The following DRC8 variants were observed in gnomAD, a reference collection of about 807,000 sequenced individuals.
DRC8 encodes dynein regulatory complex protein 8.
At chr1:245,007,574 G>T in the DRC8 span, among the ~76,000 whole-genome samples, 1 of 152,154 alleles carries the variant, frequency 6.6e-6, no homozygotes, top group African/African-American at 2.4e-5. Context: ...ATGGAAAGAG[G>T]AATCAAAAAA....
chr1:245,017,139 C>T, the DRC8 span: 1 of 1,054,642 alleles, frequency 9.5e-7, no homozygotes, highest in South Asian at 1.8e-5. Flanking sequence ...GGAGAGGGTT[C>T]TTCATATGCT....
chr1:245,093,989 T>G, the DRC8 span, among the ~76,000 whole-genome samples: 1 of 152,144 alleles, frequency 6.6e-6, no homozygotes, highest in South Asian at 2.2e-4. Context: ...ATTGCATGAC[T>G]TTAAATACAG....
chr1:245,118,149 A>C, the DRC8 span, among the ~76,000 whole-genome samples: 1 of 152,180 alleles, frequency 6.6e-6, no homozygotes, highest in Admixed American at 6.6e-5. Context: ...GAGAACTGAA[A>C]GACCCTAGTG....
chr1:245,091,748 T>C, the DRC8 span: 3 of 152,216 alleles, frequency 2.0e-5, no homozygotes, highest in Non-Finnish European at 4.4e-5. Flanking sequence ...GAAATCTCAT[T>C]TTATCTCCTA....
At chr1:245,107,982 C>G in the DRC8 span, among the ~76,000 whole-genome samples, 4 of 152,154 alleles carry the variant, frequency 2.6e-5, no homozygotes, top group Non-Finnish European at 5.9e-5. Flanking sequence ...CTCCTCACTG[C>G]CCTTCCTCCA....
chr1:245,010,428 G>A, the DRC8 span, among the ~76,000 whole-genome samples: 1 of 152,154 alleles, frequency 6.6e-6, no homozygotes, highest in African/African-American at 2.4e-5. Context: ...AAGACCACAT[G>A]ATATGTCACA....
At chr1:245,023,631 G>A in the DRC8 span, among the ~76,000 whole-genome samples, 1 of 152,216 alleles carries the variant, frequency 6.6e-6, no homozygotes, top group East Asian at 1.9e-4. Flanking sequence ...TCTCACTGGG[G>A]CTTTGATTTG....
At chr1:244,979,211 A>AT in the DRC8 span, among the ~76,000 whole-genome samples, 2 of 151,090 alleles carry the variant, frequency 1.3e-5, no homozygotes, top group Non-Finnish European at 2.9e-5. Flanking sequence ...TCATGCATAT[A>AT]CCCAGAGCAT....
the DRC8 span, among the ~76,000 whole-genome samples, chr1:245,112,623 A>G: frequency 3.3e-3 from 503 of 152,324 alleles, 2 homozygotes; most frequent in South Asian, 0.014. Flanking sequence ...ACTTCCATGC[A>G]TATAGTCCAG....
the DRC8 span, among the ~76,000 whole-genome samples, chr1:245,058,695 T>C: frequency 6.6e-6 from 1 of 152,196 alleles, no homozygotes; most frequent in Non-Finnish European, 1.5e-5. Flanking sequence ...TGAATAGCAT[T>C]TATACTTTTC....
the DRC8 span, among the ~76,000 whole-genome samples, chr1:245,079,724 GA>G: frequency 0.015 from 2,355 of 152,170 alleles, 49 homozygotes; most frequent in African/African-American, 0.054. Flanking sequence ...GGGAGGAAAG[GA>G]AAAAAACCAT....
the DRC8 span, among the ~76,000 whole-genome samples, chr1:245,117,143 C>T: frequency 6.6e-6 from 1 of 152,168 alleles, no homozygotes; most frequent in African/African-American, 2.4e-5. Flanking sequence ...ACCTCTGCTT[C>T]CCGGGTTCCA....
the DRC8 span, among the ~76,000 whole-genome samples, chr1:244,976,056 G>A: frequency 3.3e-5 from 5 of 151,780 alleles, no homozygotes; most frequent in Non-Finnish European, 7.4e-5. Context: ...ATCACCTGAG[G>A]TCAGGAGTTC....
At chr1:245,075,916 C>A in the DRC8 span, among the ~76,000 whole-genome samples, 2 of 152,138 alleles carry the variant, frequency 1.3e-5, no homozygotes, top group African/African-American at 4.8e-5. Flanking sequence ...TTTTTCAGTC[C>A]AAAGAGGCCA....
At chr1:245,048,661 C>T in the DRC8 span, among the ~76,000 whole-genome samples, 1 of 152,242 alleles carries the variant, frequency 6.6e-6, no homozygotes, top group Non-Finnish European at 1.5e-5. Context: ...CTTTCTCCTT[C>T]TCCCTCTCTC....
the DRC8 span, among the ~76,000 whole-genome samples, chr1:245,054,141 T>C: frequency 6.6e-6 from 1 of 152,126 alleles, no homozygotes; most frequent in Non-Finnish European, 1.5e-5. Flanking sequence ...TCCCCTTTAC[T>C]TCTGTTTGTT....
the DRC8 span, among the ~76,000 whole-genome samples, chr1:245,062,829 G>T: frequency 6.6e-6 from 1 of 152,018 alleles, no homozygotes. Context: ...ACCTTTCCCC[G>T]TGACTCCCTC....
chr1:244,970,407 C>T, the DRC8 span: 1 of 1,539,258 alleles, frequency 6.5e-7, no homozygotes. Flanking sequence ...AGGCGACCGG[C>T]TCCGCAGCAA....
chr1:244,970,556 G>A, the DRC8 span: 2 of 1,394,308 alleles, frequency 1.4e-6, no homozygotes, highest in South Asian at 1.4e-5. Flanking sequence ...CCCACCCGCA[G>A]GGAAAGGGCG....
Sources: allele counts gnomAD v4.1 joint callset (sites outside exome capture counted in the v4.1 genomes callset), GRCh38; gene constraint gnomAD v4.1.1; transcripts MANE v1.5; gene names NCBI Gene and HGNC (gene_info 2026-07-23, HGNC 2026-07-21).